Variants in LRRC37A2 observed in about 807,000 individuals in gnomAD.
LRRC37A2 encodes leucine rich repeat containing 37 member A2.
Under a neutral mutation model 68.8 loss-of-function variants are expected in LRRC37A2, and 9 were observed. That is an observed-to-expected ratio of 0.13 (90% CI 0.08 to 0.23). LRRC37A2 has a LOEUF of 0.23. Among genes scored for constraint, LRRC37A2 ranks in the 10% least tolerant of loss-of-function variants. The pLI is 1.00. For synonymous variants in LRRC37A2, 63 were observed against 367.6 expected, an observed-to-expected ratio of 0.17 and a Z score of 9.48; for missense variants, 168 against 950.4, an observed-to-expected ratio of 0.18 and a Z score of 10.82.
At chr17:46,811,349 C>T in the LRRC37A2 span, among the ~76,000 whole-genome samples, 20,520 of 151,994 alleles carry the variant, frequency 0.14, 1,465 homozygotes, top group African/African-American at 0.16. Context: ...CTGTCAATGG[C>T]GCGGAAGTGA....
the LRRC37A2 span, among the ~76,000 whole-genome samples, chr17:46,995,054 T>C: frequency 5.9e-5 from 9 of 151,948 alleles, no homozygotes; most frequent in Non-Finnish European, 1.0e-4. Context: ...GCCTGGGAGG[T>C]AGAGGTTGCA....
chr17:46,874,079 A>T, the LRRC37A2 span, among the ~76,000 whole-genome samples: 1 of 151,956 alleles, frequency 6.6e-6, no homozygotes, highest in African/African-American at 2.4e-5. Context: ...AGCCAAGCTA[A>T]TGGCCTCTCT....
At chr17:46,746,733 A>G in the LRRC37A2 span, among the ~76,000 whole-genome samples, 2 of 152,200 alleles carry the variant, frequency 1.3e-5, no homozygotes, top group Non-Finnish European at 2.9e-5. Flanking sequence ...TGGCTCCATC[A>G]TGTATTGGTT....
chr17:46,840,583 A>G, the LRRC37A2 span, among the ~76,000 whole-genome samples: 1 of 152,202 alleles, frequency 6.6e-6, no homozygotes, highest in South Asian at 2.1e-4. Flanking sequence ...AGGAATTGCC[A>G]TACTGTCTAA....
chr17:46,940,146 T>C, the LRRC37A2 span: 8 of 1,305,318 alleles, frequency 6.1e-6, no homozygotes, highest in Non-Finnish European at 7.8e-6. Flanking sequence ...CGCTGCTCTG[T>C]AGTCATGTTG....
chr17:46,492,338 CT>C, the LRRC37A2 span, among the ~76,000 whole-genome samples: 1 of 150,930 alleles, frequency 6.6e-6, no homozygotes, highest in East Asian at 1.9e-4. Context: ...TAAGATTCAT[CT>C]GTGTTGTTGT....
chr17:46,898,841 G>C, the LRRC37A2 span, among the ~76,000 whole-genome samples: 1 of 152,146 alleles, frequency 6.6e-6, no homozygotes, highest in East Asian at 1.9e-4. Flanking sequence ...AACTTCTCTG[G>C]AAAACGGTCT....
At chr17:46,938,844 C>T in the LRRC37A2 span, 26 of 1,602,180 alleles carry the variant, frequency 1.6e-5, no homozygotes, top group East Asian at 4.5e-4. Flanking sequence ...GCCCAGAGGC[C>T]GCCTTTTGAA....
At chr17:46,839,912 TTTTCTTTCTTTCTTTCTTTC>T in the LRRC37A2 span, among the ~76,000 whole-genome samples, 3,716 of 113,402 alleles carry the variant, frequency 0.033, 58 homozygotes, top group Non-Finnish European at 0.037. Flanking sequence ...ACATTTTCTC[TTTTCTTTCTTTCTTTCTTTC>T]TTTCTTTCTT....
the LRRC37A2 span, among the ~76,000 whole-genome samples, chr17:46,829,059 T>G: frequency 6.6e-6 from 1 of 152,264 alleles, no homozygotes; most frequent in African/African-American, 2.4e-5. Flanking sequence ...TTGAGGTTCA[T>G]GAAAATGTTT....
At chr17:46,924,850 A>G in the LRRC37A2 span, among the ~76,000 whole-genome samples, 2 of 152,240 alleles carry the variant, frequency 1.3e-5, no homozygotes, top group Non-Finnish European at 2.9e-5. Flanking sequence ...GCAGGGCACA[A>G]TGGGCATAGT....
At chr17:46,418,061 G>T in the LRRC37A2 span, among the ~76,000 whole-genome samples, 2 of 141,626 alleles carry the variant, frequency 1.4e-5, no homozygotes, top group African/African-American at 5.2e-5. Context: ...TATGTTGGAG[G>T]GATAAAAGTT....
the LRRC37A2 span, among the ~76,000 whole-genome samples, chr17:46,389,309 A>C: frequency 7.7e-6 from 1 of 129,046 alleles, no homozygotes; most frequent in Admixed American, 7.8e-5. Context: ...GAAAGATAGA[A>C]AGCAAAAGGA....
the LRRC37A2 span, among the ~76,000 whole-genome samples, chr17:47,020,734 A>T: frequency 7.4e-6 from 1 of 135,710 alleles, no homozygotes; most frequent in Non-Finnish European, 1.5e-5. Context: ...GTGAGCCAAG[A>T]TTGCACCACT....
chr17:46,851,422 G>A, the LRRC37A2 span, among the ~76,000 whole-genome samples: 2 of 151,168 alleles, frequency 1.3e-5, no homozygotes, highest in Non-Finnish European at 3.0e-5. This position sits in a 1 kb window ranked among gnomAD's most constrained non-coding sequence, Gnocchi z 4.3. Context: ...GGCGGTCCAG[G>A]GGCGGCTGCC....
At chr17:46,896,089 T>C in the LRRC37A2 span, among the ~76,000 whole-genome samples, 6 of 151,724 alleles carry the variant, frequency 4.0e-5, no homozygotes, top group East Asian at 2.0e-4. Context: ...CCATCCTGGC[T>C]AACATGGTGA....
the LRRC37A2 span, among the ~76,000 whole-genome samples, chr17:47,020,488 G>A: frequency 2.6e-5 from 4 of 151,066 alleles, no homozygotes; most frequent in East Asian, 7.7e-4. Context: ...GAAAATGATA[G>A]GAGGGAAGAG....
chr17:46,974,502 A>T, the LRRC37A2 span, among the ~76,000 whole-genome samples: 1 of 152,190 alleles, frequency 6.6e-6, no homozygotes, highest in Non-Finnish European at 1.5e-5. Context: ...TGGGAGGCCG[A>T]GGCGGGTGGA....
the LRRC37A2 span, among the ~76,000 whole-genome samples, chr17:46,490,935 C>T: frequency 5.9e-4 from 88 of 149,918 alleles, 2 homozygotes; most frequent in African/African-American, 2.2e-3. Flanking sequence ...TCTTCTGTCA[C>T]CCAGGCTGGA....
Sources: allele counts gnomAD v4.1 joint callset (sites outside exome capture counted in the v4.1 genomes callset), GRCh38; gene constraint gnomAD v4.1.1; non-coding constraint Gnocchi (gnomAD v3.1); transcripts MANE v1.5; gene names NCBI Gene and HGNC (gene_info 2026-07-23, HGNC 2026-07-21).